Variants in SLC9A4 observed in about 807,000 individuals in gnomAD.
SLC9A4 encodes the protein sodium/hydrogen exchanger 4.
In SLC9A4, 63 loss-of-function variants were observed where a neutral mutation model predicts 67.4. The observed-to-expected ratio is 0.93, with a 90% CI of 0.76 to 1.15. The LOEUF is 1.15. SLC9A4 is among the 50% of genes most tolerant of loss of function. The pLI is 0.00. For missense variants in SLC9A4, 1,089 were observed against 987.7 expected (o/e 1.10, Z -1.38); for synonymous variants, 393 against 367.2 (o/e 1.07, Z -0.80).
Position 102,500,347 on chromosome 2 carries a change from G to A in SLC9A4, c.721-3101G>A, listed in dbSNP as rs116394897. ...GCGCGTAGCACTGCCGACATCTCGA[G>A]TCCAGACTCTTAGTCTCCACAACAG... On this transcript the variant is annotated intron_variant, in intron 2 of 11. Transcript: ENST00000295269. 8.0e-3 allele frequency among the ~76,000 whole-genome samples: 1,214 copies of A among 152,320 alleles called. 14 individuals carry two copies. The highest frequency in any genetic ancestry group is 0.028 in the African/African-American group (1,161 of 41,560).
intron 4 of SLC9A4, chr2:102,505,943 T>C (rs1685041347): frequency 6.2e-6 from 1 of 160,456 alleles, no homozygotes; most frequent in Non-Finnish European, 1.4e-5. Context: ...ATAAGTGAGA[T>C]CTCACAAATT....
Position 102,514,222 on chromosome 2 carries a change from G to A in SLC9A4, c.1692G>A (p.Leu564=). The change falls in exon 8 of 12, where the codon CTG becomes CTA. Residue 564 remains leucine (L), a synonymous_variant. Coordinates refer to ENST00000295269, the MANE Select transcript of SLC9A4 (RefSeq NM_001011552.4). Reference sequence around the variant, plus strand: ...TCGAGATGGTGGAGACTGGGATACTGAGCTCTACAGCTTTCTCCATACCCC... The same window carrying A: ...TCGAGATGGTGGAGACTGGGATACTAAGCTCTACAGCTTTCTCCATACCCC... The part of the protein sequence containing the change: ...QAIEMVETGI[L]SSTAFSIPHQ... 1 of 1,613,888 alleles carries A rather than the reference G, an allele frequency of 6.2e-7. No homozygotes were observed. The highest frequency in any genetic ancestry group is 8.5e-7 in the Non-Finnish European group (1 of 1,179,870).
At chr2:102,525,182 T>C in intron 10 of SLC9A4, 27 bp downstream of exon 10, 1 of 1,613,506 alleles carries the variant, frequency 6.2e-7, no homozygotes, top group African/African-American at 1.3e-5. Context: ...GACTGGGACA[T>C]TCCTTCAGTG....
chr2:102,480,278 ATG>A (rs765115483), intron 2 of SLC9A4, among the ~76,000 whole-genome samples: 18 of 151,356 alleles, frequency 1.2e-4, no homozygotes, highest in Non-Finnish European at 2.2e-4. Context: ...TTTATCATCT[ATG>A]TGTGTGTGAT....
At chr2:102,485,626 G>T (rs1684571785) in intron 2 of SLC9A4, among the ~76,000 whole-genome samples, 1 of 152,122 alleles carries the variant, frequency 6.6e-6, no homozygotes, top group Non-Finnish European at 1.5e-5. Flanking sequence ...TTGCGGAGGG[G>T]GCTGAGTCAA....
chr2:102,504,448 T>TGG (rs1685008141), intron 3 of SLC9A4, among the ~76,000 whole-genome samples: 1 of 152,238 alleles, frequency 6.6e-6, no homozygotes, highest in African/African-American at 2.4e-5. Context: ...ACTAGACAGA[T>TGG]GGGATAAGAC....
At chr2:102,526,404 T>A (rs1573358313) in intron 11 of SLC9A4, 58 bp downstream of exon 11, 1 of 1,528,560 alleles carries the variant, frequency 6.5e-7, no homozygotes, top group African/African-American at 1.4e-5. Flanking sequence ...GGTAAATATC[T>A]GGGGGTGTGG....
chr2:102,493,197 G>A (rs1684738894), intron 2 of SLC9A4, among the ~76,000 whole-genome samples: 1 of 149,360 alleles, frequency 6.7e-6, no homozygotes, highest in African/African-American at 2.6e-5. Context: ...CTTCTTCTGA[G>A]CCCTTCAAAT....
intron 2 of SLC9A4, among the ~76,000 whole-genome samples, chr2:102,492,822 A>G (rs1684731752): frequency 1.3e-5 from 2 of 152,250 alleles, no homozygotes; most frequent in Middle Eastern, 3.4e-3. Context: ...TTTAGCTCAT[A>G]GTCAGGCTGC....
intron 2 of SLC9A4, among the ~76,000 whole-genome samples, chr2:102,497,164 C>T (rs752318039): frequency 2.0e-5 from 3 of 152,200 alleles, no homozygotes; most frequent in African/African-American, 4.8e-5. Context: ...AACTCCTGGC[C>T]TCAAGTGATG....
At chr2:102,487,344 C>T (rs1011345455) in intron 2 of SLC9A4, among the ~76,000 whole-genome samples, 2 of 152,140 alleles carry the variant, frequency 1.3e-5, no homozygotes, top group Non-Finnish European at 2.9e-5. Context: ...CAGATCAGTG[C>T]AGGTCCCAGT....
At chr2:102,482,099 G>A (rs557091506) in intron 2 of SLC9A4, among the ~76,000 whole-genome samples, 54 of 152,288 alleles carry the variant, frequency 3.5e-4, no homozygotes, top group Non-Finnish European at 6.0e-4. Flanking sequence ...CTACCCTTGC[G>A]GGCAAGCTTC....
In SLC9A4 at chr2:102,505,420, T is replaced by C. The variant is rs1685031276; in HGVS notation, c.1147T>C (p.Trp383Arg). Residue 383 changes from tryptophan (W) to arginine (R), a missense_variant, in exon 4 of 12, where the codon TGG becomes CGG. Physicochemically the swap from Trp to Arg is moderately radical, Grantham distance 101 (BLOSUM62 -3). Coordinates refer to ENST00000295269, the MANE Select transcript of SLC9A4 (RefSeq NM_001011552.4). ...TGTGGGCAAGAATCACGAGTGGAAC[T>C]GGGCCTTCATCTGCTTCACCCTGGC... ...STVGKNHEWN[W>R]AFICFTLAFC... 3 of 1,614,142 alleles carry C rather than the reference T, an allele frequency of 1.9e-6. No individual in the cohort carries two copies. The highest frequency in any genetic ancestry group is 2.2e-5 in the East Asian group (1 of 44,900).
At chr2:102,523,108 G>A (rs1409401441) in intron 9 of SLC9A4, among the ~76,000 whole-genome samples, 3 of 149,612 alleles carry the variant, frequency 2.0e-5, no homozygotes, top group South Asian at 2.1e-4. Context: ...AGCTAGGACC[G>A]CAGGTTCACA....
At chr2:102,515,277 C>A (rs1685253290) in intron 8 of SLC9A4, among the ~76,000 whole-genome samples, 1 of 151,736 alleles carries the variant, frequency 6.6e-6, no homozygotes, top group Non-Finnish European at 1.5e-5. Context: ...AGTGTTATTT[C>A]TGAGATAACA....
intron 2 of SLC9A4, among the ~76,000 whole-genome samples, chr2:102,487,178 G>GGT (rs55756786): frequency 0.033 from 4,980 of 149,180 alleles, 96 homozygotes; most frequent in South Asian, 0.043. Context: ...GCTCACAGCT[G>GGT]GTGTGTGTGT....
Position 102,473,702 on chromosome 2 carries a change from G to T in SLC9A4, c.-58G>T, listed in dbSNP as rs532697069. On this transcript the variant is annotated 5_prime_UTR_variant, in exon 1 of 12. Transcript: ENST00000295269. ...GCAGTCACTCTCTAGAAGCCTCCCC[G>T]ACTTCAGATGTGTGGCACACATCCA... The T allele has an allele frequency of 5.0e-6, 8 of 1,587,514 alleles. No individual in the cohort carries two copies. In the East Asian group the frequency reaches 1.8e-4, roughly 36 times the overall value.
At chr2:102,503,265 T>C (rs529523058) in intron 2 of SLC9A4, among the ~76,000 whole-genome samples, 183 bp from the exon 3 acceptor site, 1 of 152,328 alleles carries the variant, frequency 6.6e-6, no homozygotes, top group African/African-American at 2.4e-5. Context: ...CACTTTTTAT[T>C]CAGTGAAACT....
At chr2:102,485,310 C>G (rs1292300605) in intron 2 of SLC9A4, among the ~76,000 whole-genome samples, 1 of 152,228 alleles carries the variant, frequency 6.6e-6, no homozygotes, top group Admixed American at 6.5e-5. Context: ...AAAAGTCATA[C>G]TCACTGCTTT....
Sources: allele counts gnomAD v4.1 joint callset (sites outside exome capture counted in the v4.1 genomes callset), GRCh38; gene constraint gnomAD v4.1.1; transcripts MANE v1.5; gene names NCBI Gene and HGNC (gene_info 2026-07-23, HGNC 2026-07-21).